The following ANAPC16 variants were observed in gnomAD, a reference collection of about 807,000 sequenced individuals.
ANAPC16 encodes anaphase promoting complex subunit 16.
In ANAPC16, 6 loss-of-function variants were observed where a neutral mutation model predicts 13.1. The observed-to-expected ratio is 0.46, with a 90% confidence interval of 0.25 to 0.90. The LOEUF is 0.90. ANAPC16 is among the 40% of genes least tolerant of loss of function. ANAPC16 has a pLI of 0.18. For synonymous variants in ANAPC16, 55 were observed against 51.3 expected (o/e 1.07, Z -0.31); for missense variants, 113 against 131.1 (o/e 0.86, Z 0.67).
At chr10:72,216,657 C>A (rs959910863) in intron 1 of ANAPC16, among the ~76,000 whole-genome samples, 1 of 151,982 alleles carries the variant, frequency 6.6e-6, no homozygotes, top group Admixed American at 6.6e-5. Flanking sequence ...AGGCATATAT[C>A]TGTTAGAAAG....
At chr10:72,216,193 C>A (rs1859266109) in intron 1 of ANAPC16, 55 bp downstream of exon 1, 1 of 153,380 alleles carries the variant, frequency 6.5e-6, no homozygotes, top group Non-Finnish European at 1.5e-5. Context: ...GGGAGTTAAC[C>A]CCCAGGATCC....
intron 1 of ANAPC16, among the ~76,000 whole-genome samples, chr10:72,218,614 G>A (rs1459652934): frequency 1.3e-5 from 2 of 152,124 alleles, no homozygotes; most frequent in African/African-American, 4.8e-5. Context: ...AACATTTACT[G>A]AAGTGAACAA....
At chr10:72,224,870 C>G (rs1288847559) in intron 2 of ANAPC16, among the ~76,000 whole-genome samples, 1 of 152,166 alleles carries the variant, frequency 6.6e-6, no homozygotes, top group Non-Finnish European at 1.5e-5. Flanking sequence ...CTTATAGCAC[C>G]AAAGCCAGAT....
chr10:72,224,625 A>AG, intron 2 of ANAPC16, among the ~76,000 whole-genome samples: 1 of 151,184 alleles, frequency 6.6e-6, no homozygotes, highest in East Asian at 1.9e-4. Context: ...AAAAAAAAAA[A>AG]AACGCAGAGG....
chr10:72,232,498 C>T (rs1564795642), intron 3 of ANAPC16, among the ~76,000 whole-genome samples: 2 of 150,552 alleles, frequency 1.3e-5, no homozygotes, highest in South Asian at 2.1e-4. Flanking sequence ...GAGCCGAGAT[C>T]GCGCCATTGC....
At chr10:72,217,297 AC>A (rs1218366730) in intron 1 of ANAPC16, among the ~76,000 whole-genome samples, 1 of 151,712 alleles carries the variant, frequency 6.6e-6, no homozygotes, top group African/African-American at 2.4e-5. Flanking sequence ...ACACGGTGAA[AC>A]CCCGTCTCTC....
In ANAPC16 at chr10:72,233,185, C is replaced by T; in HGVS notation, c.*69C>T. Reference sequence around the variant, plus strand: ...CAGTGGGGGACTTTCTCACAGCTTACATAGCCATCCAGAGATCCACAGCTA... The same window carrying T: ...CAGTGGGGGACTTTCTCACAGCTTATATAGCCATCCAGAGATCCACAGCTA... On this transcript the variant is annotated 3_prime_UTR_variant, in exon 4 of 4. Coordinates refer to ENST00000299381, the MANE Select transcript of ANAPC16 (RefSeq NM_173473.4). 1 of 1,192,322 alleles carries T rather than the reference C, an allele frequency of 8.4e-7. No homozygotes were observed. Among genetic ancestry groups the T allele is most frequent in the East Asian group, 2.4e-5 (1 of 42,074 alleles). 73.9% of individuals were successfully genotyped at this position (1,192,322 alleles called of 1,614,324 possible).
At chr10:72,229,793 C>T (rs1465933915) in intron 2 of ANAPC16, among the ~76,000 whole-genome samples, 2 of 152,164 alleles carry the variant, frequency 1.3e-5, no homozygotes, top group Non-Finnish European at 2.9e-5. Flanking sequence ...ATACTCTTAT[C>T]GTCATCCAAA....
chr10:72,218,173 T>C (rs1239027395), intron 1 of ANAPC16, among the ~76,000 whole-genome samples: 1 of 16,940 alleles, frequency 5.9e-5, no homozygotes, highest in African/African-American at 2.8e-4. Flanking sequence ...AAAATATATA[T>C]ATATATATAT....
chr10:72,218,229 T>G (rs193059042), intron 1 of ANAPC16, among the ~76,000 whole-genome samples: 2 of 133,742 alleles, frequency 1.5e-5, no homozygotes, highest in East Asian at 4.6e-4. Context: ...TGCCGGAGGT[T>G]GCAATTTTTT....
At chr10:72,226,018 AT>A (rs376574019) in intron 2 of ANAPC16, among the ~76,000 whole-genome samples, 9,875 of 142,150 alleles carry the variant, frequency 0.069, 1,021 homozygotes, top group African/African-American at 0.24. Context: ...AAGTGTTGCA[AT>A]TTTTTTTTTT....
chr10:72,228,880 T>C (rs1468366870), intron 2 of ANAPC16, among the ~76,000 whole-genome samples: 1 of 152,202 alleles, frequency 6.6e-6, no homozygotes, highest in African/African-American at 2.4e-5. Flanking sequence ...ATCCTAATGG[T>C]GCCTGTGATT....
intron 3 of ANAPC16, among the ~76,000 whole-genome samples, chr10:72,231,131 A>G (rs1274143822): frequency 6.6e-6 from 1 of 152,186 alleles, no homozygotes; most frequent in African/African-American, 2.4e-5. Flanking sequence ...CCCCCTCCAG[A>G]CCATTTCTCC....
At chr10:72,231,002 T>C (rs1285084972) in intron 3 of ANAPC16, among the ~76,000 whole-genome samples, 1 of 152,232 alleles carries the variant, frequency 6.6e-6, no homozygotes, top group African/African-American at 2.4e-5. Flanking sequence ...GTTACCATCA[T>C]CATCTTCAAG....
At chr10:72,220,325 CAAAAAAAAAAAAAAAAAAGAAGA>C (rs1859863389) in intron 1 of ANAPC16, 1 of 63,716 alleles carries the variant, frequency 1.6e-5, no homozygotes, top group Admixed American at 1.9e-4. Flanking sequence ...AACTCCGTCT[CAAAAAAAAAAAAAAAAAAGAAGA>C]GAAAAGAAAA....
chr10:72,230,281 G>T, intron 2 of ANAPC16, 85 bp from the exon 3 acceptor site: 1 of 1,039,892 alleles, frequency 9.6e-7, no homozygotes, highest in Non-Finnish European at 1.5e-6. Context: ...TACAAGCAGG[G>T]AAAAGAATAG....
intron 1 of ANAPC16, among the ~76,000 whole-genome samples, chr10:72,221,303 T>C (rs576685772): frequency 2.2e-4 from 33 of 152,186 alleles, no homozygotes; most frequent in Admixed American, 9.8e-4. Flanking sequence ...CAATTCAATA[T>C]AAAGTTATTT....
At chr10:72,217,849 C>G (rs1319847598) in intron 1 of ANAPC16, among the ~76,000 whole-genome samples, 1 of 151,896 alleles carries the variant, frequency 6.6e-6, no homozygotes, top group Admixed American at 6.6e-5. Context: ...TTTTTGAGCA[C>G]TGACAGGATG....
At position 72,233,041 on chromosome 10, in the gene ANAPC16, A is replaced by G; in HGVS notation, c.258A>G (p.Val86=). 6.2e-7 allele frequency: 1 copy of G among 1,614,226 alleles called. No homozygotes were observed. Among genetic ancestry groups the G allele is most frequent in the East Asian group, 2.2e-5 (1 of 44,888 alleles). The part of the protein sequence containing the change: ...VARMEKLAGL[V]EELEADEWRF... Reference sequence around the variant, plus strand: ...GGATGGAAAAACTAGCTGGTTTGGTAGAAGAGCTGGAGGCTGACGAGTGGC... The same window carrying G: ...GGATGGAAAAACTAGCTGGTTTGGTGGAAGAGCTGGAGGCTGACGAGTGGC... The change falls in exon 4 of 4, where the codon GTA becomes GTG. Residue 86 remains valine (V), a synonymous_variant. Transcript: ENST00000299381.
Sources: allele counts gnomAD v4.1 joint callset (sites outside exome capture counted in the v4.1 genomes callset), GRCh38; gene constraint gnomAD v4.1.1; transcripts MANE v1.5; gene names NCBI Gene and HGNC (gene_info 2026-07-23, HGNC 2026-07-21).